The following NMNAT3 variants were observed in gnomAD, a reference collection of about 807,000 sequenced individuals.
NMNAT3 encodes nicotinamide/nicotinic acid mononucleotide adenylyltransferase 3.
In NMNAT3, 21 loss-of-function variants were observed where a neutral mutation model predicts 24.8. The observed-to-expected ratio is 0.85, with a 90% CI of 0.60 to 1.22. The LOEUF is 1.22. Ranked by LOEUF, NMNAT3 falls within the 50% of genes most tolerant of loss-of-function variation. The pLI is 0.00. For synonymous variants in NMNAT3, 136 were observed against 155.2 expected (o/e 0.88, Z 0.92); for missense variants, 387 against 436.6 (o/e 0.89, Z 1.01).
In NMNAT3 at chr3:139,655,606, ATTAT is replaced by A. The variant is rs2057212923; in HGVS notation, c.-140-17548_-140-17545del. ...TGCAAATTACCCATTTTCTATTATAATTATTTTTACTTCTCTAGATGAAGAAGAA... is the reference window on the plus strand; with the variant it reads ...TGCAAATTACCCATTTTCTATTATAATTTTACTTCTCTAGATGAAGAAGAA... On this transcript the variant is annotated intron_variant, in intron 1 of 6. Transcript: ENST00000643695. 2.2e-5 allele frequency among the ~76,000 whole-genome samples: 3 copies of A among 137,718 alleles called. No homozygotes were observed. In the South Asian group the frequency reaches 7.8e-4, roughly 36 times the overall value. 90.3% of individuals were successfully genotyped at this position (137,718 alleles called of 152,430 possible). A position where few individuals can be genotyped will look rare whatever the true frequency, so the allele number is the denominator to read the frequency against.
intron 3 of NMNAT3, among the ~76,000 whole-genome samples, chr3:139,591,742 AC>A (rs964816958): frequency 5.3e-5 from 8 of 152,188 alleles, no homozygotes; most frequent in Non-Finnish European, 8.8e-5. Context: ...ACTCCAACAG[AC>A]CTGCAGCTGA....
At chr3:139,561,499 C>G (rs1032255734) in intron 6 of NMNAT3, 107 bp from the exon 7 acceptor site, 1 of 1,031,416 alleles carries the variant, frequency 9.7e-7, no homozygotes, top group African/African-American at 1.6e-5. Flanking sequence ...GTATCGAGAA[C>G]TCAGTGTCTC....
intron 1 of NMNAT3, among the ~76,000 whole-genome samples, chr3:139,667,214 A>G (rs1016214179): frequency 4.6e-5 from 7 of 152,202 alleles, no homozygotes; most frequent in African/African-American, 1.7e-4. Flanking sequence ...TATTTAATAC[A>G]TTCCCATCAA....
At chr3:139,658,972 C>T (rs1233199566) in intron 1 of NMNAT3, among the ~76,000 whole-genome samples, 1 of 152,128 alleles carries the variant, frequency 6.6e-6, no homozygotes, top group Non-Finnish European at 1.5e-5. Flanking sequence ...TAAGTTTTTC[C>T]ACCACAGACA....
At chr3:139,623,050 ATAAAT>A (rs1477484651) in intron 3 of NMNAT3, among the ~76,000 whole-genome samples, 3 of 151,670 alleles carry the variant, frequency 2.0e-5, no homozygotes, top group Admixed American at 1.3e-4. Flanking sequence ...TTCTTCAATA[ATAAAT>A]TAACTTTAGC....
chr3:139,572,367 A>G (rs1559860410), intron 6 of NMNAT3: 3 of 394,804 alleles, frequency 7.6e-6, no homozygotes, highest in Admixed American at 4.4e-5. Flanking sequence ...GACCAGAGGA[A>G]TACAATAAAC....
At chr3:139,664,338 A>G (rs1321522205) in intron 1 of NMNAT3, among the ~76,000 whole-genome samples, 1 of 152,248 alleles carries the variant, frequency 6.6e-6, no homozygotes, top group Non-Finnish European at 1.5e-5. Context: ...CTGCTAGACT[A>G]CGATTCCTCA....
chr3:139,615,688 A>G (rs922759474), intron 3 of NMNAT3, among the ~76,000 whole-genome samples: 6 of 148,790 alleles, frequency 4.0e-5, no homozygotes, highest in Admixed American at 6.9e-5. Context: ...TTATTGCTCA[A>G]TGCTAGTATA....
At chr3:139,606,193 A>T (rs985668709) in intron 3 of NMNAT3, among the ~76,000 whole-genome samples, 3 of 152,154 alleles carry the variant, frequency 2.0e-5, no homozygotes, top group Non-Finnish European at 4.4e-5. Flanking sequence ...CCACAGTTCA[A>T]TCGAGGATCT....
At chr3:139,619,255 C>G (rs1314371730) in intron 3 of NMNAT3, among the ~76,000 whole-genome samples, 1 of 152,012 alleles carries the variant, frequency 6.6e-6, no homozygotes, top group Non-Finnish European at 1.5e-5. Flanking sequence ...AGGTGGCAAC[C>G]CAATGTACAA....
intron 3 of NMNAT3, among the ~76,000 whole-genome samples, chr3:139,606,528 G>T (rs1343149379): frequency 1.3e-5 from 2 of 152,114 alleles, no homozygotes; most frequent in African/African-American, 4.8e-5. Flanking sequence ...TTCCCCCTGC[G>T]TATCTGTAAA....
chr3:139,586,141 G>A lies in NMNAT3; in HGVS notation c.110-2933C>T, dbSNP rs569922134. 3.9e-5 allele frequency among the ~76,000 whole-genome samples: 6 copies of A among 152,204 alleles called. No individual in the cohort carries two copies. The South Asian group carries it at 1.0e-3, about 26-fold the overall frequency. ...AGAAGCAGAACAGAAAACCAATACC[G>A]CATGTTCTCACTTCTAAGTGGAAGC... On this transcript the variant is annotated intron_variant, in intron 3 of 6. Transcript: ENST00000643695.
intron 3 of NMNAT3, among the ~76,000 whole-genome samples, chr3:139,612,831 A>C (rs1169262427): frequency 6.6e-6 from 1 of 152,192 alleles, no homozygotes; most frequent in African/African-American, 2.4e-5. Context: ...ATAATGCCAC[A>C]TATCTACAAC....
At chr3:139,671,439 G>A (rs1288768275) in intron 1 of NMNAT3, among the ~76,000 whole-genome samples, 1 of 152,172 alleles carries the variant, frequency 6.6e-6, no homozygotes, top group East Asian at 1.9e-4. Flanking sequence ...TTTATACAGT[G>A]GCTCTTTCTA....
chr3:139,583,660 T>G lies in NMNAT3; in HGVS notation c.110-452A>C, dbSNP rs1291721969. On this transcript the variant is annotated intron_variant, in intron 3 of 6. Coordinates refer to ENST00000643695, the MANE Select transcript of NMNAT3 (RefSeq NM_001320510.2). ...ATATCATCTGAAGCTATGGAAGTAG[T>G]TTGTGACTGTTTTGTTTCCACAAAG... 4.6e-6 allele frequency: 4 copies of G among 875,280 alleles called. No homozygotes were observed. In the Admixed American group the frequency reaches 7.9e-5, roughly 17 times the overall value. The allele number at this position is 875,280 out of a possible 1,614,324, so 54.2% of individuals were successfully genotyped here. A position where few individuals can be genotyped will look rare whatever the true frequency, so the allele number is the denominator to read the frequency against.
chr3:139,619,392 A>C (rs2055658118), intron 3 of NMNAT3, among the ~76,000 whole-genome samples: 1 of 152,188 alleles, frequency 6.6e-6, no homozygotes, highest in African/African-American at 2.4e-5. Flanking sequence ...CCCTCTACCT[A>C]CTAGTATTCC....
intron 6 of NMNAT3, chr3:139,570,016 A>C (rs886929903): frequency 3.3e-5 from 5 of 152,242 alleles, no homozygotes; most frequent in Non-Finnish European, 7.4e-5. Context: ...ATATAGTCCC[A>C]TATTTCTTGG....
intron 1 of NMNAT3, among the ~76,000 whole-genome samples, chr3:139,656,975 A>C (rs2057266131): frequency 6.6e-6 from 1 of 152,378 alleles, no homozygotes; most frequent in Middle Eastern, 3.4e-3. Context: ...ATATTTTGGC[A>C]GTACCTATAC....
intron 1 of NMNAT3, among the ~76,000 whole-genome samples, chr3:139,660,677 C>T (rs1049658545): frequency 6.6e-6 from 1 of 152,212 alleles, no homozygotes; most frequent in Non-Finnish European, 1.5e-5. Context: ...TAAAGATACT[C>T]AACACAGTTC....
Sources: gnomAD v4.1 joint callset for allele counts (sites outside exome capture counted in the v4.1 genomes callset) on GRCh38, gnomAD v4.1.1 for gene constraint, MANE v1.5 for transcripts, NCBI Gene and HGNC (gene_info 2026-07-23, HGNC 2026-07-21) for gene names.